ADNP: variants seen among roughly 807,000 people sequenced by gnomAD.
ADNP encodes activity-dependent neuroprotector homeobox protein.
ADNP carries 4 observed loss-of-function variants against 84.9 expected under a neutral mutation model. The observed-to-expected ratio is 0.05, with a 90% CI of 0.02 to 0.11. The LOEUF is 0.11. Ranked by LOEUF, ADNP falls within the 10% of genes least tolerant of loss-of-function variation. The pLI is 1.00. For missense variants in ADNP, 1,132 were observed against 1,326.0 expected (o/e 0.85, Z 2.27); for synonymous variants, 554 against 468.1 (o/e 1.18, Z -2.37).
At chr20:50,914,276 G>T in intron 2 of ADNP, 1 of 701,532 alleles carries the variant, frequency 1.4e-6, no homozygotes, top group South Asian at 1.6e-5. Flanking sequence ...GATAAGAGTG[G>T]AAGAAGCAAA....
intron 2 of ADNP, chr20:50,909,389 A>AAAAAAAAAAAAAAAAAAAAAAC (rs1600969744): frequency 6.7e-6 from 1 of 149,844 alleles, no homozygotes; most frequent in Non-Finnish European, 1.5e-5. Flanking sequence ...AAAAAAAAAA[A>AAAAAAAAAAAAAAAAAAAAAAC]AAAAGAAATC....
intron 5 of ADNP, among the ~76,000 whole-genome samples, chr20:50,897,604 TCA>T (rs1214538318): frequency 2.6e-5 from 4 of 152,180 alleles, no homozygotes; most frequent in Non-Finnish European, 5.9e-5. Context: ...CTTAATGCAG[TCA>T]CAGATATTGC....
Position 50,893,844 on chromosome 20 carries a change from A to G in ADNP, c.870T>C (p.Leu290=). 1 of 1,614,244 alleles carries G rather than the reference A, an allele frequency of 6.2e-7. No individual in the cohort carries two copies. The highest frequency in any genetic ancestry group is 8.5e-7 in the Non-Finnish European group (1 of 1,180,036). ...GTAAAGACCGGACATTTCCAGAAGCAAGGGAACCGATCCTTGGTGGGAGTC... is the reference window on the plus strand; with the variant it reads ...GTAAAGACCGGACATTTCCAGAAGCGAGGGAACCGATCCTTGGTGGGAGTC... The part of the protein sequence containing the change: ...SMGLPPRIGS[L]ASGNVRSLPS... The change falls in exon 6 of 6, where the codon CTT becomes CTC. Residue 290 remains leucine, a synonymous_variant. Transcript: ENST00000621696. The surrounding 1 kb of genome is among the most constrained non-coding windows in gnomAD (Gnocchi z 4.4).
chr20:50,899,562 T>TA (rs1367995438), intron 5 of ADNP, among the ~76,000 whole-genome samples: 2 of 151,924 alleles, frequency 1.3e-5, no homozygotes, highest in Non-Finnish European at 2.9e-5. Context: ...CTATATTTTT[T>TA]AAAAAAAAGT....
intron 5 of ADNP, 109 bp downstream of exon 5, chr20:50,901,908 C>G (rs1982024131): frequency 1.2e-6 from 1 of 846,928 alleles, no homozygotes; most frequent in Non-Finnish European, 2.0e-6. Flanking sequence ...TTGACACTTT[C>G]GATGTTTGGC....
intron 2 of ADNP, among the ~76,000 whole-genome samples, chr20:50,920,281 A>AAG (rs1555816097): frequency 9.3e-5 from 13 of 139,212 alleles, no homozygotes; most frequent in South Asian, 2.2e-4. Flanking sequence ...AAAAAAAAAA[A>AAG]AAAGAAAGAA....
intron 2 of ADNP, among the ~76,000 whole-genome samples, chr20:50,908,116 C>A (rs1269300704): frequency 6.6e-6 from 1 of 150,466 alleles, no homozygotes; most frequent in Non-Finnish European, 1.5e-5. Flanking sequence ...TATACACTGG[C>A]ACCTTCAAAA....
chr20:50,896,757 T>C (rs995215855), intron 5 of ADNP, among the ~76,000 whole-genome samples: 1 of 150,384 alleles, frequency 6.6e-6, no homozygotes, highest in African/African-American at 2.5e-5. Context: ...TGCCTTCTTC[T>C]GGATAACTGC....
At chr20:50,898,898 T>A (rs914184118) in intron 5 of ADNP, among the ~76,000 whole-genome samples, 3 of 152,250 alleles carry the variant, frequency 2.0e-5, no homozygotes, top group African/African-American at 7.2e-5. Context: ...TAACTGTCAT[T>A]ATCAGGAAGT....
chr20:50,904,251 T>A (rs976107333), intron 3 of ADNP: 2 of 444,318 alleles, frequency 4.5e-6, no homozygotes, highest in Non-Finnish European at 8.2e-6. Flanking sequence ...TGGAGTGCAG[T>A]GCACTCATGG....
At chr20:50,919,531 C>A (rs1568741327) in intron 2 of ADNP, among the ~76,000 whole-genome samples, 1 of 151,552 alleles carries the variant, frequency 6.6e-6, no homozygotes, top group African/African-American at 2.4e-5. Context: ...TAAATTCAGA[C>A]AGAATGAATG....
intron 4 of ADNP, 124 bp downstream of exon 4, chr20:50,903,765 G>C: frequency 1.4e-6 from 1 of 703,452 alleles, no homozygotes; most frequent in Non-Finnish European, 2.3e-6. Flanking sequence ...GAATGTTTTC[G>C]TGAAGCTACT....
chr20:50,912,002 A>T (rs544833814), intron 2 of ADNP, among the ~76,000 whole-genome samples: 3 of 152,286 alleles, frequency 2.0e-5, no homozygotes, highest in African/African-American at 7.2e-5. Flanking sequence ...CATAACCCAA[A>T]GTGATGACTA....
chr20:50,900,242 T>C (rs562673277), intron 5 of ADNP, among the ~76,000 whole-genome samples: 106 of 152,320 alleles, frequency 7.0e-4, no homozygotes, highest in Non-Finnish European at 1.1e-3. Flanking sequence ...ATCACTCTTA[T>C]AGTATTCAGT....
At position 50,890,781 on chromosome 20, in the gene ADNP, T is replaced by C; in HGVS notation, c.*624A>G. On this transcript the variant is annotated 3_prime_UTR_variant, in exon 6 of 6. Coordinates refer to ENST00000621696, the MANE Select transcript of ADNP (RefSeq NM_001282531.3). ...ATTGTACAAGGTTATGTGCAAAAAC[T>C]AAGTCTGTCCAAAAAGTCCATACTA... 4 of 343,366 alleles carry C rather than the reference T, an allele frequency of 1.2e-5. No individual in the cohort carries two copies. Among genetic ancestry groups the C allele is most frequent in the Non-Finnish European group, 1.6e-5 (4 of 242,898 alleles). 21.3% of individuals were successfully genotyped at this position (343,366 alleles called of 1,614,324 possible). A position where few individuals can be genotyped will look rare whatever the true frequency, so the allele number is the denominator to read the frequency against.
chr20:50,916,435 C>G (rs1284721394), intron 2 of ADNP, among the ~76,000 whole-genome samples: 2 of 152,166 alleles, frequency 1.3e-5, no homozygotes, highest in African/African-American at 4.8e-5. Context: ...GACAGCCTTT[C>G]AAAACTTTAA....
At chr20:50,896,452 G>A (rs1430687599) in intron 5 of ADNP, among the ~76,000 whole-genome samples, 1 of 151,936 alleles carries the variant, frequency 6.6e-6, no homozygotes, top group African/African-American at 2.4e-5. Flanking sequence ...TTAACCGGAC[G>A]TGGTGGCAGG....
chr20:50,895,373 T>A (rs1287766897), intron 5 of ADNP, among the ~76,000 whole-genome samples: 1 of 152,236 alleles, frequency 6.6e-6, no homozygotes, highest in Non-Finnish European at 1.5e-5. Flanking sequence ...AATATTTGTA[T>A]GTTTAAACAT....
In ADNP at chr20:50,892,685, C is replaced by T. The variant is rs780464991; in HGVS notation, c.2029G>A (p.Ala677Thr). The change falls in exon 6 of 6, where the codon GCC (alanine) becomes ACC (threonine). Residue 677 changes from alanine (A) to threonine (T), a missense_variant. Around this residue, in one of 10 missense-constraint regions of ADNP, gnomAD observed 39 missense variants for 96.2 expected, o/e 0.41. Coordinates refer to ENST00000621696, the MANE Select transcript of ADNP (RefSeq NM_001282531.3). Reference protein sequence around the residue: ...CLGVYTSNMTASTITLHLVHC... With the variant: ...CLGVYTSNMTTSTITLHLVHC... ...ACTAGATGCAGAGTGATAGTTGAGG[C>T]GGTCATGTTGCTGGTATACACACCA... 6 of 1,614,204 alleles carry T rather than the reference C, an allele frequency of 3.7e-6. No individual in the cohort carries two copies. Among genetic ancestry groups the T allele is most frequent in the South Asian group, 2.2e-5 (2 of 91,080 alleles).
Sources: gnomAD v4.1 joint callset for allele counts (sites outside exome capture counted in the v4.1 genomes callset) on GRCh38, gnomAD v4.1.1 for gene constraint, gnomAD v4.1.1 regional missense constraint, Gnocchi (gnomAD v3.1) non-coding constraint, MANE v1.5 for transcripts, NCBI Gene and HGNC (gene_info 2026-07-23, HGNC 2026-07-21) for gene names.